Variants in BTBD2 observed in about 807,000 individuals in gnomAD.
BTBD2 encodes BTB/POZ domain-containing protein 2.
In BTBD2, 15 loss-of-function variants were observed where a neutral mutation model predicts 44.0. That is an observed-to-expected ratio of 0.34 (90% CI 0.23 to 0.53). BTBD2 has a LOEUF of 0.53. Ranked by LOEUF, BTBD2 falls within the 20% of genes least tolerant of loss-of-function variation. The pLI is 0.95. For synonymous variants in BTBD2, 443 were observed against 335.9 expected, an observed-to-expected ratio of 1.32 and a Z score of -3.49; for missense variants, 657 against 746.4, an observed-to-expected ratio of 0.88 and a Z score of 1.39.
chr19:1,998,619 G>A (rs1192690773), intron 1 of BTBD2, among the ~76,000 whole-genome samples: 8 of 152,168 alleles, frequency 5.3e-5, no homozygotes, highest in East Asian at 1.9e-4. Context: ...CCCAAGAGCC[G>A]GCTATGAACC....
chr19:1,996,561 AAG>A lies in BTBD2; in HGVS notation c.527+781_527+782del, dbSNP rs1555686695. Among the ~76,000 whole-genome samples the A allele has an allele frequency of 8.6e-5, 13 of 150,874 alleles. No individual in the cohort carries two copies. In the East Asian group the frequency reaches 1.0e-3, roughly 12 times the overall value. On this transcript the variant is annotated intron_variant, in intron 2 of 8. Coordinates refer to ENST00000255608, the MANE Select transcript of BTBD2 (RefSeq NM_017797.4). ...CAAAACTGTCAAAAAAAAAAAAAAAAAGAAGGAAAGAAAAGAAAAGAAAAAGA... is the reference window on the plus strand; with the variant it reads ...CAAAACTGTCAAAAAAAAAAAAAAAAAAGGAAAGAAAAGAAAAGAAAAAGA...
intron 1 of BTBD2, among the ~76,000 whole-genome samples, chr19:2,007,637 C>T (rs1432222013): frequency 1.3e-5 from 2 of 151,966 alleles, no homozygotes; most frequent in East Asian, 1.9e-4. Flanking sequence ...GAGACCAGCC[C>T]GGCCAAAATG....
intron 1 of BTBD2, among the ~76,000 whole-genome samples, chr19:2,000,670 C>A (rs1260918580): frequency 2.6e-5 from 4 of 152,198 alleles, no homozygotes; most frequent in African/African-American, 9.6e-5. Flanking sequence ...GGCTGTTCCC[C>A]CCTTCATGTA....
chr19:2,014,767 A>AG (rs892971056), intron 1 of BTBD2: 1 of 156,622 alleles, frequency 6.4e-6, no homozygotes, highest in Non-Finnish European at 1.4e-5. Context: ...AGGGTACCGG[A>AG]GTGCAGGCTG....
At chr19:1,992,262 T>C (rs2016190152) in intron 3 of BTBD2, among the ~76,000 whole-genome samples, 1 of 151,980 alleles carries the variant, frequency 6.6e-6, no homozygotes. Flanking sequence ...TTGGCTAATT[T>C]ATGAAATATT....
chr19:2,001,256 G>C (rs1377649868), intron 1 of BTBD2, among the ~76,000 whole-genome samples: 2 of 152,034 alleles, frequency 1.3e-5, no homozygotes, highest in Non-Finnish European at 2.9e-5. Context: ...CCAGCACTTT[G>C]GGGGGCCGAG....
At chr19:2,001,520 C>T (rs1027346226) in intron 1 of BTBD2, among the ~76,000 whole-genome samples, 1 of 152,074 alleles carries the variant, frequency 6.6e-6, no homozygotes, top group African/African-American at 2.4e-5. Flanking sequence ...GGTTAAAGAC[C>T]GAAAGAATTG....
intron 1 of BTBD2, 55 bp from the exon 2 acceptor site, chr19:1,997,518 G>T: frequency 6.2e-7 from 1 of 1,605,908 alleles, no homozygotes; most frequent in South Asian, 1.1e-5. Context: ...CCCCACGGCC[G>T]GGAGGGCCAG....
At position 1,987,007 on chromosome 19, in the gene BTBD2, G is replaced by T. The variant is rs750295923; in HGVS notation, c.1270-31C>A. 4.4e-6 allele frequency: 7 copies of T among 1,602,966 alleles called. No homozygotes were observed. In the African/African-American group the frequency reaches 8.0e-5, roughly 18 times the overall value. On this transcript the variant is annotated intron_variant, in intron 7 of 8. Coordinates refer to ENST00000255608, the MANE Select transcript of BTBD2 (RefSeq NM_017797.4). ...GGGAGGTGGGAAGTGGGAGGCTCAGGCCTGGGGAGGGCCAACGGGGACCCC... is the reference window on the plus strand; with the variant it reads ...GGGAGGTGGGAAGTGGGAGGCTCAGTCCTGGGGAGGGCCAACGGGGACCCC...
chr19:1,987,038 G>C lies in BTBD2; in HGVS notation c.1270-62C>G, dbSNP rs2016096261. The C allele has an allele frequency of 4.4e-6, 7 of 1,595,320 alleles. No homozygotes were observed. In the Admixed American group the frequency reaches 1.2e-4, roughly 27 times the overall value. On this transcript the variant is annotated intron_variant, in intron 7 of 8. Coordinates refer to ENST00000255608, the MANE Select transcript of BTBD2 (RefSeq NM_017797.4). Reference sequence around the variant, plus strand: ...GGAGGGCCAACGGGGACCCCTCGAGGCCCAGCCCACCTGCCCAGGGTGGGG... The same window carrying C: ...GGAGGGCCAACGGGGACCCCTCGAGCCCCAGCCCACCTGCCCAGGGTGGGG...
intron 1 of BTBD2, among the ~76,000 whole-genome samples, chr19:2,003,758 C>T (rs1262087977): frequency 1.5e-5 from 2 of 132,340 alleles, no homozygotes; most frequent in Non-Finnish European, 3.2e-5. Flanking sequence ...GCAACAAAAA[C>T]GAAACTCCGT....
chr19:1,992,859 A>G (rs970821060), intron 3 of BTBD2, among the ~76,000 whole-genome samples, 161 bp downstream of exon 3: 1 of 152,166 alleles, frequency 6.6e-6, no homozygotes, highest in African/African-American at 2.4e-5. Flanking sequence ...GGCGTGAGCA[A>G]CCACGCCCGG....
At chr19:2,011,398 T>C (rs922749315) in intron 1 of BTBD2, among the ~76,000 whole-genome samples, 2 of 152,052 alleles carry the variant, frequency 1.3e-5, no homozygotes, top group African/African-American at 2.4e-5. Context: ...CCACCCTCAA[T>C]GCGGATCTGG....
At chr19:1,993,303 C>G (rs965758739) in intron 2 of BTBD2, 127 bp from the exon 3 acceptor site, 118 of 1,331,494 alleles carry the variant, frequency 8.9e-5, no homozygotes, top group Admixed American at 6.0e-4. Flanking sequence ...CCCAAACACC[C>G]ACATCAGGTT....
At position 1,986,089 on chromosome 19, in the gene BTBD2, A is replaced by G. The variant is rs950287046; in HGVS notation, c.*399T>C. 3 of 192,676 alleles carry G rather than the reference A, an allele frequency of 1.6e-5. No individual in the cohort carries two copies. Among genetic ancestry groups the G allele is most frequent in the African/African-American group, 4.7e-5 (2 of 42,408 alleles). 11.9% of individuals were successfully genotyped at this position (192,676 alleles called of 1,614,324 possible). A position where few individuals can be genotyped will look rare whatever the true frequency, so the allele number is the denominator to read the frequency against. On this transcript the variant is annotated 3_prime_UTR_variant, in exon 9 of 9. Transcript: ENST00000255608. ...AGCGCCACCCAGGCTGGCTCCTAGCAGAGAAATGGGAATCGCAAATGCATT... is the reference window on the plus strand; with the variant it reads ...AGCGCCACCCAGGCTGGCTCCTAGCGGAGAAATGGGAATCGCAAATGCATT...
chr19:1,990,939 G>T, intron 3 of BTBD2, 117 bp from the exon 4 acceptor site: 1 of 924,748 alleles, frequency 1.1e-6, no homozygotes, highest in Non-Finnish European at 1.6e-6. Flanking sequence ...TCCTGAGCGT[G>T]GCCAGGAGCC....
At position 1,993,072 on chromosome 19, in the gene BTBD2, T is replaced by C; in HGVS notation, c.632A>G (p.Glu211Gly). Residue 211 changes from glutamate (E) to glycine (G), a missense_variant, in exon 3 of 9, where the codon GAG (glutamate) becomes GGG (glycine). Glu to Gly is a moderately conservative substitution (Grantham distance 98, BLOSUM62 -2). Transcript: ENST00000255608. ...GGCTCGCAGGTTCTTCTTCAGGAAC[T>C]CCACGCAATGGGCCTCGAGCGCTGG... ...AVPALEAHCV[E>G]FLKKNLRADN... 6.3e-7 allele frequency: 1 copy of C among 1,580,834 alleles called. No homozygotes were observed. Among genetic ancestry groups the C allele is most frequent in the East Asian group, 2.3e-5 (1 of 42,690 alleles).
chr19:1,995,211 C>T (rs552619379), intron 2 of BTBD2, among the ~76,000 whole-genome samples: 47 of 151,902 alleles, frequency 3.1e-4, no homozygotes, highest in Admixed American at 9.2e-4. Flanking sequence ...AGGTGATCCA[C>T]CCACCTCAGC....
chr19:1,996,042 C>T (rs1308597188), intron 2 of BTBD2, among the ~76,000 whole-genome samples: 1 of 152,070 alleles, frequency 6.6e-6, no homozygotes, highest in East Asian at 1.9e-4. Flanking sequence ...CTAGTTGTGC[C>T]TGTGCTATTT....
Sources: gnomAD v4.1 joint callset for allele counts (sites outside exome capture counted in the v4.1 genomes callset) on GRCh38, gnomAD v4.1.1 for gene constraint, MANE v1.5 for transcripts, NCBI Gene and HGNC (gene_info 2026-07-23, HGNC 2026-07-21) for gene names.